Variants in CACNA1B observed in about 807,000 individuals in gnomAD.
CACNA1B encodes voltage-dependent N-type calcium channel subunit alpha-1B.
In CACNA1B, 70 loss-of-function variants were observed where a neutral mutation model predicts 247.2. That is an observed-to-expected ratio of 0.28 (90% CI 0.23 to 0.35). The LOEUF (loss-of-function observed/expected upper bound fraction) is 0.35, where lower values mean the gene tolerates loss of function less well. Ranked by LOEUF, CACNA1B falls within the 10% of genes least tolerant of loss-of-function variation. The pLI is 1.00. For synonymous variants in CACNA1B, 1,231 were observed against 1,294.4 expected (o/e 0.95, Z 1.05); for missense variants, 2,367 against 3,197.4 (o/e 0.74, Z 6.26).
chr9:137,957,531 C>G lies in CACNA1B; in HGVS notation c.1244-67C>G. ...GTCCCAGGGGGAGGGTGATCCCATGCCCCGCTGAGGCAGGTGGCCTGAGGG... is the reference window on the plus strand; with the variant it reads ...GTCCCAGGGGGAGGGTGATCCCATGGCCCGCTGAGGCAGGTGGCCTGAGGG... On this transcript the variant is annotated intron_variant, in intron 9 of 46. Transcript: ENST00000371372. This position sits in a 1 kb window ranked among gnomAD's most constrained non-coding sequence, Gnocchi z 4.7. The G allele has an allele frequency of 1.7e-6, 2 of 1,210,732 alleles. No homozygotes were observed. The highest frequency in any genetic ancestry group is 3.0e-5 in the South Asian group (2 of 65,734). 75.0% of individuals were successfully genotyped at this position (1,210,732 alleles called of 1,614,324 possible). A position where few individuals can be genotyped will look rare whatever the true frequency, so the allele number is the denominator to read the frequency against.
intron 3 of CACNA1B, among the ~76,000 whole-genome samples, chr9:137,908,000 C>G (rs1957316513): frequency 6.6e-6 from 1 of 152,214 alleles, no homozygotes; most frequent in Non-Finnish European, 1.5e-5. Flanking sequence ...ATACGTCAGG[C>G]CTGTTTCTGG....
chr9:137,883,700 C>A (rs1442038274), intron 3 of CACNA1B, among the ~76,000 whole-genome samples: 1 of 152,120 alleles, frequency 6.6e-6, no homozygotes, highest in African/African-American at 2.4e-5. Flanking sequence ...GGAGTTGCCC[C>A]CACAGAGCCT....
intron 39 of CACNA1B, among the ~76,000 whole-genome samples, chr9:138,108,909 C>G (rs1253422703): frequency 6.6e-6 from 1 of 152,214 alleles, no homozygotes. Context: ...TCAGCCTCCT[C>G]CCAAAGTGCT....
intron 41 of CACNA1B, 24 bp downstream of exon 41, chr9:138,114,514 C>G: frequency 1.6e-6 from 2 of 1,270,532 alleles, no homozygotes; most frequent in Non-Finnish European, 2.2e-6. Context: ...CTCAGTTTTC[C>G]AGGAAAACTG....
At chr9:138,091,997 A>C (rs1564282162) in intron 36 of CACNA1B, among the ~76,000 whole-genome samples, 3 of 152,208 alleles carry the variant, frequency 2.0e-5, no homozygotes, top group Non-Finnish European at 4.4e-5. Context: ...TAGGGATTTC[A>C]AAAGGGGAGA....
intron 3 of CACNA1B, among the ~76,000 whole-genome samples, chr9:137,903,323 T>C (rs1588994210): frequency 6.6e-6 from 1 of 152,046 alleles, no homozygotes; most frequent in African/African-American, 2.4e-5. Context: ...GAGGTGGAGG[T>C]TGCAGTGAGC....
In CACNA1B at chr9:137,955,655, C is replaced by G. The variant is rs1283832276; in HGVS notation, c.1071-43C>G. ...TCTCTGGGGCTGCACACCTGTGGGGCTTGCACTCACCTGATCTTGCTTTTC... is the reference window on the plus strand; with the variant it reads ...TCTCTGGGGCTGCACACCTGTGGGGGTTGCACTCACCTGATCTTGCTTTTC... On this transcript the variant is annotated intron_variant, in intron 7 of 46. Coordinates refer to ENST00000371372, the MANE Select transcript of CACNA1B (RefSeq NM_000718.4). The surrounding 1 kb of genome is among the most constrained non-coding windows in gnomAD (Gnocchi z 6.9). The G allele has an allele frequency of 7.6e-7, 1 of 1,312,612 alleles. No individual in the cohort carries two copies. The highest frequency in any genetic ancestry group is 1.1e-6 in the Non-Finnish European group (1 of 919,136). The allele number at this position is 1,312,612 out of a possible 1,614,324, so 81.3% of individuals were successfully genotyped here. A position where few individuals can be genotyped will look rare whatever the true frequency, so the allele number is the denominator to read the frequency against.
At chr9:138,004,404 G>T (rs772724008) in intron 15 of CACNA1B, among the ~76,000 whole-genome samples, 1 of 151,880 alleles carries the variant, frequency 6.6e-6, no homozygotes, top group Non-Finnish European at 1.5e-5. Context: ...CAAAAAATTA[G>T]CTGGGCATGG....
rs1959231071 is a variant in CACNA1B, at chr9:138,050,277, C to T, written c.3710+962C>T. ...TCTGGGAGCGGGGCGGGGAGCTGGG[C>T]TGGAGCTGGGCATGGTCAGCCCTTG... On this transcript the variant is annotated intron_variant, in intron 24 of 46. Coordinates refer to ENST00000371372, the MANE Select transcript of CACNA1B (RefSeq NM_000718.4). This position sits in a 1 kb window ranked among gnomAD's most constrained non-coding sequence, Gnocchi z 5.2. Among the ~76,000 whole-genome samples, 2 of 152,312 alleles carry T rather than the reference C, an allele frequency of 1.3e-5. No individual in the cohort carries two copies. Among genetic ancestry groups the T allele is most frequent in the African/African-American group, 4.8e-5 (2 of 41,562 alleles).
chr9:138,073,012 T>G lies in CACNA1B; in HGVS notation c.4675-476T>G, dbSNP rs2131312552. On this transcript the variant is annotated intron_variant, in intron 32 of 46. Transcript: ENST00000371372. The surrounding 1 kb of genome is among the most constrained non-coding windows in gnomAD (Gnocchi z 6.4). ...CCAGGCAAGCGAGGGCTTTGCTGAC[T>G]GAGCCAGGGAGGAAAGGGCATAGCC... 6.6e-6 allele frequency among the ~76,000 whole-genome samples: 1 copy of G among 152,326 alleles called. No individual in the cohort carries two copies. Among genetic ancestry groups the G allele is most frequent in the South Asian group, 2.1e-4 (1 of 4,822 alleles).
At chr9:138,015,606 C>A (rs1370680960) in intron 18 of CACNA1B, among the ~76,000 whole-genome samples, 1 of 152,212 alleles carries the variant, frequency 6.6e-6, no homozygotes, top group Non-Finnish European at 1.5e-5. Flanking sequence ...GCCTGCGGAG[C>A]GGGGCCAATG....
intron 12 of CACNA1B, among the ~76,000 whole-genome samples, chr9:137,981,353 C>G (rs142386315): frequency 6.6e-6 from 1 of 152,168 alleles, no homozygotes; most frequent in Admixed American, 6.5e-5. Context: ...TTATTTAATG[C>G]AGTTTCCTTG....
At chr9:138,098,828 C>T (rs1039277371) in intron 37 of CACNA1B, among the ~76,000 whole-genome samples, 4 of 152,232 alleles carry the variant, frequency 2.6e-5, no homozygotes, top group African/African-American at 9.6e-5. Flanking sequence ...ATAGCACAGA[C>T]GTGACCTGTG....
At chr9:138,075,129 G>A (rs774629164) in intron 34 of CACNA1B, among the ~76,000 whole-genome samples, 2 of 152,206 alleles carry the variant, frequency 1.3e-5, no homozygotes, top group Non-Finnish European at 2.9e-5. Flanking sequence ...CGAAGGTGCC[G>A]GTGTTTCAAA....
chr9:137,989,787 C>T (rs890108313), intron 15 of CACNA1B, among the ~76,000 whole-genome samples: 1 of 151,762 alleles, frequency 6.6e-6, no homozygotes, highest in Non-Finnish European at 1.5e-5. Flanking sequence ...TTTGAAAGCA[C>T]GACAAAAGCT....
At chr9:137,992,769 C>T (rs1025115222) in intron 15 of CACNA1B, among the ~76,000 whole-genome samples, 1 of 150,026 alleles carries the variant, frequency 6.7e-6, no homozygotes, top group Non-Finnish European at 1.5e-5. Context: ...TGCACTCCAG[C>T]CTGGGCGACA....
rs1475535044 is a variant in CACNA1B at position 137,888,031 on chromosome 9, G to A, written c.530+5148G>A. On this transcript the variant is annotated intron_variant, in intron 3 of 46. Coordinates refer to ENST00000371372, the MANE Select transcript of CACNA1B (RefSeq NM_000718.4). This position sits in a 1 kb window ranked among gnomAD's most constrained non-coding sequence, Gnocchi z 4.7. ...GGCGGGGGCAGGGGGGCCTTGGCTCGGGCGTTGGAGGGCTCTGAGCACAGG... is the reference window on the plus strand; with the variant it reads ...GGCGGGGGCAGGGGGGCCTTGGCTCAGGCGTTGGAGGGCTCTGAGCACAGG... Among the ~76,000 whole-genome samples the A allele has an allele frequency of 3.3e-5, 5 of 151,660 alleles. No homozygotes were observed. The highest frequency in any genetic ancestry group is 1.3e-4 in the Admixed American group (2 of 15,236).
intron 6 of CACNA1B, among the ~76,000 whole-genome samples, chr9:137,940,704 A>G (rs1373884674): frequency 1.3e-5 from 2 of 152,248 alleles, no homozygotes; most frequent in Non-Finnish European, 2.9e-5. Flanking sequence ...CAGTATATCA[A>G]GAAGATAATT....
chr9:138,098,920 A>C (rs1275870090), intron 37 of CACNA1B, among the ~76,000 whole-genome samples: 1 of 152,236 alleles, frequency 6.6e-6, no homozygotes, highest in Non-Finnish European at 1.5e-5. Flanking sequence ...CGAGGGGCCC[A>C]GCAGAGGCAG....
Sources: allele counts gnomAD v4.1 joint callset (sites outside exome capture counted in the v4.1 genomes callset), GRCh38; gene constraint gnomAD v4.1.1; non-coding constraint Gnocchi (gnomAD v3.1); transcripts MANE v1.5; gene names NCBI Gene and HGNC (gene_info 2026-07-23, HGNC 2026-07-21).